Variants in FARP1 observed in about 807,000 individuals in gnomAD.
FARP1 encodes the protein FERM, ARH/RhoGEF and pleckstrin domain protein 1.
In FARP1, 52 loss-of-function variants were observed where a neutral mutation model predicts 128.8. That is an observed-to-expected ratio of 0.40 (90% CI 0.32 to 0.51). The LOEUF (loss-of-function observed/expected upper bound fraction) is 0.51, where lower values mean the gene tolerates loss of function less well. Ranked by LOEUF, FARP1 falls within the 20% of genes least tolerant of loss-of-function variation. The probability of loss-of-function intolerance (pLI) is 0.45; values close to 1 mark genes in which losing one functional copy is unlikely to be tolerated. For synonymous variants in FARP1, 580 were observed against 551.8 expected, an observed-to-expected ratio of 1.05 and a Z score of -0.72; for missense variants, 1,333 against 1,367.9, an observed-to-expected ratio of 0.97 and a Z score of 0.40.
At chr13:98,330,006 A>G (rs1887427679) in intron 2 of FARP1, 1 of 152,294 alleles carries the variant, frequency 6.6e-6, no homozygotes, top group African/African-American at 2.4e-5. Context: ...GGCAAATTGT[A>G]ATTTTGAATA....
At chr13:98,181,042 C>T (rs1878468875) in intron 1 of FARP1, among the ~76,000 whole-genome samples, 1 of 150,490 alleles carries the variant, frequency 6.6e-6, no homozygotes, top group Non-Finnish European at 1.5e-5. Context: ...AGAGTTTAAG[C>T]ATTTTTAAGT....
chr13:98,175,493 C>T (rs1447779012), intron 1 of FARP1, among the ~76,000 whole-genome samples: 4 of 149,166 alleles, frequency 2.7e-5, no homozygotes, highest in Non-Finnish European at 5.9e-5. Context: ...ATCATTTCTT[C>T]CTTTTCTGAT....
chr13:98,296,539 C>T (rs1199416663), intron 2 of FARP1, among the ~76,000 whole-genome samples: 12 of 151,872 alleles, frequency 7.9e-5, no homozygotes, highest in African/African-American at 2.7e-4. Flanking sequence ...TGCACATCCT[C>T]CACTCCTAGC....
rs150492286 is a variant in FARP1 at position 98,446,722 on chromosome 13, T to G, written c.2961T>G (p.Ser987=). The change falls in exon 26 of 27, where the codon TCT becomes TCG. Residue 987 remains serine (S), a synonymous_variant. Transcript: ENST00000319562. ...TCGGCTACTCGCTCACCATCCCCTC[T>G]GAGTCCGAGAACATCCAGAAAGACT... is the stretch of plus-strand genomic sequence containing the variant. The part of the protein sequence containing the change: ...PLLGYSLTIP[S]ESENIQKDYV... 1 of 1,614,042 alleles carries G rather than the reference T, an allele frequency of 6.2e-7. No individual in the cohort carries two copies. The highest frequency in any genetic ancestry group is 2.2e-5 in the East Asian group (1 of 44,878).
chr13:98,267,491 C>A (rs532290746), intron 2 of FARP1, among the ~76,000 whole-genome samples: 1 of 152,200 alleles, frequency 6.6e-6, no homozygotes, highest in African/African-American at 2.4e-5. Flanking sequence ...CTCCCACCCC[C>A]CCATATCCTT....
chr13:98,191,309 G>GT (rs1337267341), intron 1 of FARP1, among the ~76,000 whole-genome samples: 2 of 152,322 alleles, frequency 1.3e-5, no homozygotes, highest in Admixed American at 1.3e-4. Flanking sequence ...CACTGGGGAT[G>GT]TTGAACTGGG....
At position 98,385,718 on chromosome 13, in the gene FARP1, G is replaced by T; in HGVS notation, c.663G>T (p.Arg221=). The T allele has an allele frequency of 6.2e-7, 1 of 1,614,202 alleles. No homozygotes were observed. The highest frequency in any genetic ancestry group is 8.5e-7 in the Non-Finnish European group (1 of 1,180,044). ...TCCAGCTCCTAGAGATTGCCCGTCG[G>T]CTAGAGATGTATGGAATCCGGTTGC... ...SDFQLLEIAR[R]LEMYGIRLHP... is the part of the protein sequence containing the mutation. Residue 221 remains arginine, a synonymous_variant, in exon 8 of 27, where the codon CGG becomes CGT. Transcript: ENST00000319562.
chr13:98,358,075 T>G (rs796191440), intron 3 of FARP1, among the ~76,000 whole-genome samples: 6 of 152,030 alleles, frequency 3.9e-5, no homozygotes, highest in African/African-American at 1.4e-4. Flanking sequence ...ATTTCTGTTT[T>G]TTTTTTTTTT....
intron 12 of FARP1, among the ~76,000 whole-genome samples, chr13:98,394,864 G>A (rs1052892127): frequency 1.3e-5 from 2 of 152,202 alleles, no homozygotes; most frequent in Admixed American, 6.5e-5. Flanking sequence ...GGTCGAGGCC[G>A]CTGTGAGCTG....
intron 1 of FARP1, among the ~76,000 whole-genome samples, chr13:98,174,012 CTGCAGTCCT>C (rs1400154201): frequency 6.6e-6 from 1 of 152,204 alleles, no homozygotes; most frequent in Admixed American, 6.5e-5. Flanking sequence ...TGTGCACTCC[CTGCAGTCCT>C]GCTTGCTTCT....
chr13:98,440,271 T>C, intron 23 of FARP1, 36 bp downstream of exon 23: 1 of 1,481,942 alleles, frequency 6.7e-7, no homozygotes, highest in Non-Finnish European at 9.4e-7. Context: ...CATGCAGGGG[T>C]CTGGTTCATG....
intron 6 of FARP1, among the ~76,000 whole-genome samples, chr13:98,382,884 G>C (rs886192038): frequency 6.6e-6 from 1 of 152,164 alleles, no homozygotes; most frequent in Non-Finnish European, 1.5e-5. Context: ...GTGTCCCCGC[G>C]TGCAGTGCTA....
intron 2 of FARP1, among the ~76,000 whole-genome samples, chr13:98,241,905 TGA>T (rs1882793018): frequency 6.6e-6 from 1 of 151,968 alleles, no homozygotes; most frequent in South Asian, 2.1e-4. Flanking sequence ...GGCGACAGAT[TGA>T]GACTCTGTCT....
chr13:98,285,754 A>G (rs920889087), intron 2 of FARP1, among the ~76,000 whole-genome samples: 2 of 152,238 alleles, frequency 1.3e-5, no homozygotes, highest in Non-Finnish European at 2.9e-5. Context: ...AAGAGTTGAA[A>G]ATAAAATGCT....
intron 2 of FARP1, among the ~76,000 whole-genome samples, chr13:98,241,172 G>T (rs1278344012): frequency 6.6e-6 from 1 of 152,196 alleles, no homozygotes; most frequent in East Asian, 1.9e-4. Flanking sequence ...GGAATGAGGT[G>T]GTTTCTGCCA....
intron 1 of FARP1, among the ~76,000 whole-genome samples, chr13:98,180,753 TGGGATTTTGGGA>T (rs1486414982): frequency 6.6e-6 from 1 of 152,180 alleles, no homozygotes; most frequent in African/African-American, 2.4e-5. Context: ...ATCATTTTAG[TGGGATTTTGGGA>T]GGGAATAGGG....
intron 2 of FARP1, chr13:98,234,727 C>G (rs768278772): frequency 1.3e-4 from 20 of 152,182 alleles, no homozygotes; most frequent in Non-Finnish European, 2.1e-4. Flanking sequence ...TATGGACAAG[C>G]AGCTGAAGAG....
At chr13:98,401,783 C>A (rs1157507093) in intron 13 of FARP1, 2 of 151,600 alleles carry the variant, frequency 1.3e-5, no homozygotes, top group Non-Finnish European at 2.9e-5. Flanking sequence ...TTGGTAGATG[C>A]TAGGGAAGAA....
intron 3 of FARP1, among the ~76,000 whole-genome samples, chr13:98,357,704 A>T (rs1888696873): frequency 6.6e-6 from 1 of 152,116 alleles, no homozygotes; most frequent in South Asian, 2.1e-4. Flanking sequence ...TGTGAGTTCT[A>T]GGTTAGTTTT....
Sources: gnomAD v4.1 joint callset for allele counts (sites outside exome capture counted in the v4.1 genomes callset) on GRCh38, gnomAD v4.1.1 for gene constraint, MANE v1.5 for transcripts, NCBI Gene and HGNC (gene_info 2026-07-23, HGNC 2026-07-21) for gene names.